The following AGAP1 variants were observed in gnomAD, a reference collection of about 807,000 sequenced individuals.
AGAP1 encodes ArfGAP with GTPase domain, ankyrin repeat and PH domain 1.
Under a neutral mutation model 105.3 loss-of-function variants are expected in AGAP1, and 29 were observed. That is an observed-to-expected ratio of 0.28 (90% CI 0.21 to 0.38). The LOEUF (loss-of-function observed/expected upper bound fraction) is 0.38, where lower values mean the gene tolerates loss of function less well. Ranked by LOEUF, AGAP1 falls within the 10% of genes least tolerant of loss-of-function variation. AGAP1 has a pLI of 1.00. For synonymous variants in AGAP1, 509 were observed against 485.9 expected (o/e 1.05, Z -0.63); for missense variants, 998 against 1,165.1 (o/e 0.86, Z 2.09).
intron 13 of AGAP1, among the ~76,000 whole-genome samples, chr2:236,006,066 A>G (rs913981410): frequency 2.0e-5 from 3 of 152,146 alleles, no homozygotes; most frequent in African/African-American, 7.2e-5. Context: ...CCCATTTATG[A>G]CTATATTCAG....
In AGAP1 at chr2:235,919,224, A is replaced by G. The variant is rs904072622; in HGVS notation, c.1324+10318A>G. ...GCCAGTGAGAACCGAGGCCTTGGGA[A>G]AGGGCTTCTGGTTCTTCCAGGCTAG... On this transcript the variant is annotated intron_variant, in intron 11 of 17. Transcript: ENST00000304032. This position sits in a 1 kb window ranked among gnomAD's most constrained non-coding sequence, Gnocchi z 4.1. Among the ~76,000 whole-genome samples, 7 of 152,130 alleles carry G rather than the reference A, an allele frequency of 4.6e-5. No homozygotes were observed. The highest frequency in any genetic ancestry group is 4.6e-4 in the Admixed American group (7 of 15,276).
At chr2:235,916,523 CAT>C (rs1350028789) in intron 11 of AGAP1, among the ~76,000 whole-genome samples, 1 of 152,196 alleles carries the variant, frequency 6.6e-6, no homozygotes, top group Admixed American at 6.5e-5. Flanking sequence ...AGCAGGAAAA[CAT>C]AATGTCCAAG....
In AGAP1 at chr2:236,058,460, G is replaced by C. The variant is rs1027386035; in HGVS notation, c.2114+9179G>C. ...CAATGTGATATACCACATTAATACA[G>C]TAAAGAGAGAAGAAAACATAATCTT... On this transcript the variant is annotated intron_variant, in intron 16 of 17. Coordinates refer to ENST00000304032, the MANE Select transcript of AGAP1 (RefSeq NM_001037131.3). The surrounding 1 kb of genome is among the most constrained non-coding windows in gnomAD (Gnocchi z 4.6). Among the ~76,000 whole-genome samples the C allele has an allele frequency of 2.6e-5, 4 of 152,158 alleles. No homozygotes were observed. Among genetic ancestry groups the C allele is most frequent in the Non-Finnish European group, 5.9e-5 (4 of 68,034 alleles).
Position 235,620,074 on chromosome 2 carries a change from C to T in AGAP1, c.164-89105C>T, listed in dbSNP as rs930080952. Among the ~76,000 whole-genome samples, 1 of 152,144 alleles carries T rather than the reference C, an allele frequency of 6.6e-6. No homozygotes were observed. The highest frequency in any genetic ancestry group is 1.5e-5 in the Non-Finnish European group (1 of 68,034). ...GCCTCTGCAGCACCTGCCCTCGGCC[C>T]CCAGGGACCTTCTTTGTCACAGCTG... is the stretch of plus-strand genomic sequence containing the variant. On this transcript the variant is annotated intron_variant, in intron 1 of 17. Transcript: ENST00000304032. This position sits in a 1 kb window ranked among gnomAD's most constrained non-coding sequence, Gnocchi z 4.5.
intron 6 of AGAP1, among the ~76,000 whole-genome samples, chr2:235,772,683 G>C (rs1360765152): frequency 6.6e-6 from 1 of 152,236 alleles, no homozygotes; most frequent in East Asian, 1.9e-4. Context: ...GGCCTAAGAA[G>C]GTGGGTGACA....
chr2:235,542,010 A>G (rs1167658522), intron 1 of AGAP1, among the ~76,000 whole-genome samples: 1 of 152,120 alleles, frequency 6.6e-6, no homozygotes, highest in Non-Finnish European at 1.5e-5. Context: ...CCCACACTGG[A>G]TATTATCTTG....
chr2:235,718,923 G>T (rs982288101), intron 3 of AGAP1, among the ~76,000 whole-genome samples: 2 of 152,204 alleles, frequency 1.3e-5, no homozygotes, highest in Non-Finnish European at 2.9e-5. Flanking sequence ...CCTGGGTTTT[G>T]ACGGCTTTTA....
rs895343146 is a variant in AGAP1 at position 235,961,681 on chromosome 2, G to A, written c.1484-6781G>A. Among the ~76,000 whole-genome samples, 5 of 152,182 alleles carry A rather than the reference G, an allele frequency of 3.3e-5. No homozygotes were observed. Among genetic ancestry groups the A allele is most frequent in the African/African-American group, 4.8e-5 (2 of 41,440 alleles). ...TCCCAGCACTTTGGGAGGCCAAGGCGGATGGATCATGAGGTCAAGAGATCG... is the reference window on the plus strand; with the variant it reads ...TCCCAGCACTTTGGGAGGCCAAGGCAGATGGATCATGAGGTCAAGAGATCG... On this transcript the variant is annotated intron_variant, in intron 12 of 17. Transcript: ENST00000304032. The surrounding 1 kb of genome is among the most constrained non-coding windows in gnomAD (Gnocchi z 5.9).
In AGAP1 at chr2:235,731,466, C is replaced by A. The variant is rs116360563; in HGVS notation, c.311-9497C>A. Among the ~76,000 whole-genome samples, 129 of 152,242 alleles carry A rather than the reference C, an allele frequency of 8.5e-4. 3 individuals carry two copies. The East Asian group carries it at 0.02, about 24-fold the overall frequency. On this transcript the variant is annotated intron_variant, in intron 3 of 17. Transcript: ENST00000304032. ...GGCTATTTTGATGTAAGGGAAAAGA[C>A]GTATCCTGGATCTTCCAGAAAGCAT...
rs562079837 is a variant in AGAP1 at position 235,887,119 on chromosome 2, A to G, written c.1155+3670A>G. Among the ~76,000 whole-genome samples the G allele has an allele frequency of 1.3e-5, 2 of 152,260 alleles. No homozygotes were observed. Among genetic ancestry groups the G allele is most frequent in the Admixed American group, 6.5e-5 (1 of 15,300 alleles). ...ATCTCAGTCTGGAAAATTTCAAAAG[A>G]TCGTAGAACCAGATGATCTCAGTTA... On this transcript the variant is annotated intron_variant, in intron 10 of 17. Transcript: ENST00000304032. The surrounding 1 kb of genome is among the most constrained non-coding windows in gnomAD (Gnocchi z 4.1).
In AGAP1 at chr2:235,915,240, A is replaced by G. The variant is rs187258804; in HGVS notation, c.1324+6334A>G. Among the ~76,000 whole-genome samples, 48 of 152,332 alleles carry G rather than the reference A, an allele frequency of 3.2e-4. 1 individual carries two copies. In the East Asian group the frequency reaches 6.0e-3, roughly 19 times the overall value. On this transcript the variant is annotated intron_variant, in intron 11 of 17. Coordinates refer to ENST00000304032, the MANE Select transcript of AGAP1 (RefSeq NM_001037131.3). ...ACAACGAAGGTGTTTGTGGGAACCA[A>G]CAGTAAAATGTGAAGGATAACTGAT... is the stretch of plus-strand genomic sequence containing the variant.
intron 13 of AGAP1, among the ~76,000 whole-genome samples, chr2:236,016,381 C>CTTTT (rs151088125): frequency 5.2e-4 from 60 of 114,648 alleles, no homozygotes; most frequent in East Asian, 1.2e-3. Context: ...GTTGGGTTTG[C>CTTTT]TTTTTTTTTT....
chr2:235,640,785 G>A (rs1947164205), intron 1 of AGAP1, among the ~76,000 whole-genome samples: 1 of 152,190 alleles, frequency 6.6e-6, no homozygotes, highest in Admixed American at 6.5e-5. Flanking sequence ...TTGCAAACCT[G>A]CCTGAGAGTG....
intron 2 of AGAP1, among the ~76,000 whole-genome samples, chr2:235,715,958 G>A (rs1315701679): frequency 2.0e-5 from 3 of 152,208 alleles, no homozygotes; most frequent in Non-Finnish European, 4.4e-5. Flanking sequence ...CGTGAATACC[G>A]CATAGGTGGC....
intron 1 of AGAP1, among the ~76,000 whole-genome samples, chr2:235,651,184 C>CAAAAAAAAAAAAAAAAAAA (rs55990003): frequency 5.5e-5 from 3 of 54,154 alleles, no homozygotes; most frequent in African/African-American, 1.5e-4. Context: ...AACTCCATCT[C>CAAAAAAAAAAAAAAAAAAA]AAAAAAAAAA....
chr2:235,770,930 A>G (rs1287475438), intron 6 of AGAP1, among the ~76,000 whole-genome samples: 2 of 152,218 alleles, frequency 1.3e-5, no homozygotes, highest in African/African-American at 4.8e-5. Flanking sequence ...TGTGGTTAAG[A>G]ATCTTGAATA....
In AGAP1 at chr2:235,724,491, A is replaced by AAGGAGCTCAAGGCAGCTCTTTCACTC; in HGVS notation, c.310+6854_310+6879dup. On this transcript the variant is annotated intron_variant, in intron 3 of 17. Coordinates refer to ENST00000304032, the MANE Select transcript of AGAP1 (RefSeq NM_001037131.3). This position sits in a 1 kb window ranked among gnomAD's most constrained non-coding sequence, Gnocchi z 4.9. ...CTGAGGTAGCTGGAAGAGTATGGTC[A>AAGGAGCTCAAGGCAGCTCTTTCACTC]AGGAGCTCAAGGCAGCTCTTTCACT... is the stretch of plus-strand genomic sequence containing the variant. Among the ~76,000 whole-genome samples the AAGGAGCTCAAGGCAGCTCTTTCACTC allele has an allele frequency of 6.6e-6, 1 of 152,254 alleles. No homozygotes were observed. Among genetic ancestry groups the AAGGAGCTCAAGGCAGCTCTTTCACTC allele is most frequent in the Middle Eastern group, 3.4e-3 (1 of 294 alleles).
chr2:235,709,356 GGT>G, intron 2 of AGAP1, 119 bp downstream of exon 2: 1 of 1,207,948 alleles, frequency 8.3e-7, no homozygotes, highest in Non-Finnish European at 1.2e-6. Context: ...TGTGACTCTG[GGT>G]GTGTTCCTGG....
rs1182011885 is a variant in AGAP1 at position 235,874,812 on chromosome 2, T to TGCATGTGTGTGTGC, written c.1051-8531_1051-8518dup. 6.6e-6 allele frequency among the ~76,000 whole-genome samples: 1 copy of TGCATGTGTGTGTGC among 152,170 alleles called. No individual in the cohort carries two copies. The highest frequency in any genetic ancestry group is 1.5e-5 in the Non-Finnish European group (1 of 68,042). ...AACCAAGATACCATGAGTGTGTGTG[T>TGCATGTGTGTGTGC]GCATGTGTGTGTGCGTGTGCTCTTG... On this transcript the variant is annotated intron_variant, in intron 9 of 17. Coordinates refer to ENST00000304032, the MANE Select transcript of AGAP1 (RefSeq NM_001037131.3). This position sits in a 1 kb window ranked among gnomAD's most constrained non-coding sequence, Gnocchi z 4.5.
Sources: gnomAD v4.1 joint callset for allele counts (sites outside exome capture counted in the v4.1 genomes callset) on GRCh38, gnomAD v4.1.1 for gene constraint, Gnocchi (gnomAD v3.1) non-coding constraint, MANE v1.5 for transcripts, NCBI Gene and HGNC (gene_info 2026-07-23, HGNC 2026-07-21) for gene names.